Variants in DYTN observed in about 807,000 individuals in gnomAD.
The protein encoded by DYTN is dystrotelin.
In DYTN, 75 loss-of-function variants were observed where a neutral mutation model predicts 69.6. The ratio of observed to expected loss-of-function variants is 1.08; its 90% CI spans 0.89 to 1.31. The LOEUF is 1.31. Among genes scored for constraint, DYTN ranks in the 50% most tolerant of loss-of-function variants. The pLI, the probability that DYTN is intolerant of heterozygous loss-of-function variation, is 0.00. For synonymous variants in DYTN, 252 were observed against 249.1 expected (o/e 1.01, Z -0.11); for missense variants, 726 against 688.4 (o/e 1.05, Z -0.61).
At chr2:206,717,036 C>T (rs997151579) in intron 1 of DYTN, among the ~76,000 whole-genome samples, 17 of 86,902 alleles carry the variant, frequency 2.0e-4, no homozygotes, top group Non-Finnish European at 6.6e-5. Flanking sequence ...TTTTTTCTGC[C>T]GATGCAAACA....
intron 9 of DYTN, among the ~76,000 whole-genome samples, chr2:206,686,304 A>G (rs921068249): frequency 5.3e-5 from 8 of 152,240 alleles, no homozygotes; most frequent in Admixed American, 3.9e-4. Context: ...ATTTCAAAGA[A>G]AAGATATGAT....
At chr2:206,704,226 G>A (rs757221461) in intron 5 of DYTN, among the ~76,000 whole-genome samples, 3 of 152,142 alleles carry the variant, frequency 2.0e-5, no homozygotes, top group African/African-American at 4.8e-5. Flanking sequence ...GACAAGTGCC[G>A]CAACAAAGTT....
chr2:206,716,464 G>T (rs1700131542), intron 1 of DYTN, among the ~76,000 whole-genome samples: 1 of 152,186 alleles, frequency 6.6e-6, no homozygotes, highest in South Asian at 2.1e-4. Flanking sequence ...CCAAACAAGA[G>T]AGGTTGTTTA....
At chr2:206,701,432 T>C (rs1158507009) in intron 5 of DYTN, among the ~76,000 whole-genome samples, 1 of 152,162 alleles carries the variant, frequency 6.6e-6, no homozygotes, top group African/African-American at 2.4e-5. Flanking sequence ...TGGTATGTAA[T>C]ATACAACAGA....
At position 206,675,115 on chromosome 2, in the gene DYTN, ATGTG is replaced by A. The variant is rs757679127; in HGVS notation, c.981-9090_981-9087del. 4.1e-3 allele frequency among the ~76,000 whole-genome samples: 535 copies of A among 131,536 alleles called. 7 individuals carry two copies. The highest frequency in any genetic ancestry group is 9.0e-3 in the African/African-American group (311 of 34,652). 86.3% of individuals were successfully genotyped at this position (131,536 alleles called of 152,430 possible). ...TGGAGGGGAAAAAACATATATATAT[ATGTG>A]TGTGTGTGTGTGTGTGTGTGTGTGT... On this transcript the variant is annotated intron_variant, in intron 9 of 11. Transcript: ENST00000452335.
intron 9 of DYTN, among the ~76,000 whole-genome samples, chr2:206,677,830 A>C (rs185566038): frequency 6.6e-6 from 1 of 152,222 alleles, no homozygotes; most frequent in East Asian, 1.9e-4. Flanking sequence ...GTCTCTACTA[A>C]AAATACAAAA....
In DYTN at chr2:206,665,100, C is replaced by T. The variant is rs13416108; in HGVS notation, c.1140+770G>A. 2.6e-3 allele frequency among the ~76,000 whole-genome samples: 403 copies of T among 152,284 alleles called. 2 individuals are homozygous for T. The highest frequency in any genetic ancestry group is 9.4e-3 in the African/African-American group (392 of 41,568). On this transcript the variant is annotated intron_variant, in intron 10 of 11. Transcript: ENST00000452335. ...TATTAATATACTTCTCTCTTTTTCA[C>T]CTGCAAATCTGTGTGAGGCCTGATT...
intron 9 of DYTN, among the ~76,000 whole-genome samples, chr2:206,675,446 A>G (rs1699676874): frequency 2.0e-5 from 3 of 151,676 alleles, no homozygotes; most frequent in Admixed American, 2.0e-4. Flanking sequence ...TTTTCAGGGT[A>G]ACTATTCAAA....
At chr2:206,695,577 G>C (rs910536587) in intron 7 of DYTN, among the ~76,000 whole-genome samples, 1 of 152,148 alleles carries the variant, frequency 6.6e-6, no homozygotes, top group Non-Finnish European at 1.5e-5. Flanking sequence ...GAGACACTCT[G>C]GTTAGGAGGG....
Position 206,718,288 on chromosome 2 carries a change from T to C in DYTN, c.-9A>G, listed in dbSNP as rs763438823. The C allele has an allele frequency of 6.2e-7, 1 of 1,600,584 alleles. No individual in the cohort carries two copies. The highest frequency in any genetic ancestry group is 1.7e-5 in the Admixed American group (1 of 58,142). ...TGTTTATCTGGATCCATTTCACAAA[T>C]TTCCTGGAATGACAGATGGCAAGTG... On this transcript the variant is annotated 5_prime_UTR_variant, in exon 1 of 12. Transcript: ENST00000452335.
chr2:206,693,077 G>T, intron 9 of DYTN, 98 bp downstream of exon 9: 1 of 1,446,348 alleles, frequency 6.9e-7, no homozygotes, highest in Non-Finnish European at 9.1e-7. Context: ...GCCTTGTCTA[G>T]GATCTTCAGC....
At chr2:206,688,422 A>T (rs558203290) in intron 9 of DYTN, among the ~76,000 whole-genome samples, 2 of 152,288 alleles carry the variant, frequency 1.3e-5, no homozygotes, top group South Asian at 4.1e-4. Context: ...AAAATCACCA[A>T]CAAAAAGCAC....
chr2:206,654,914 T>C (rs1699431200), intron 11 of DYTN, among the ~76,000 whole-genome samples: 1 of 152,216 alleles, frequency 6.6e-6, no homozygotes, highest in Non-Finnish European at 1.5e-5. Flanking sequence ...TCATGGCATA[T>C]GCAAATAGAG....
chr2:206,666,067 AGAGGC>A (rs1394629408), intron 9 of DYTN, 38 bp from the exon 10 acceptor site: 3 of 1,604,886 alleles, frequency 1.9e-6, no homozygotes, highest in Non-Finnish European at 2.6e-6. Context: ...TGGAAGGGCA[AGAGGC>A]CAGTACACTA....
rs1387118193 is a variant in DYTN, at chr2:206,699,810, G to A, written c.636C>T (p.Thr212=). ...TTTCAGCAGCTGATAACCGGTGGCA[G>A]GTCGGGAGCCACAGGAGGATGGGAG... is the stretch of plus-strand genomic sequence containing the variant. ...SEPPILLWLP[T]CHRLSAAERV... is the part of the protein sequence containing the mutation. The change falls in exon 7 of 12, where the codon ACC becomes ACT. Residue 212 remains threonine (T), a synonymous_variant. Coordinates refer to ENST00000452335, the MANE Select transcript of DYTN (RefSeq NM_001093730.1). 6.2e-7 allele frequency: 1 copy of A among 1,613,870 alleles called. No homozygotes were observed. The highest frequency in any genetic ancestry group is 2.2e-5 in the East Asian group (1 of 44,862).
At chr2:206,669,375 G>A (rs371671232) in intron 9 of DYTN, among the ~76,000 whole-genome samples, 1 of 152,224 alleles carries the variant, frequency 6.6e-6, no homozygotes. Context: ...TAGGGGTTTT[G>A]GTATCATGTC....
In DYTN at chr2:206,663,143, C is replaced by T. The variant is rs373029999; in HGVS notation, c.1393G>A (p.Ala465Thr). ...GGCATCTTTTGTGTTTGGCTTTGTG[C>T]CCTGGTGCTGTGCAAAGTGGTCTCT... is the stretch of plus-strand genomic sequence containing the variant. ...SPETTLHSTR[A>T]QSQTQKMPQK... The change falls in exon 11 of 12, where the codon GCA becomes ACA. Residue 465 changes from alanine to threonine, a missense_variant. By Grantham distance (58) the Ala-to-Thr change is moderately conservative. Transcript: ENST00000452335. 324 of 1,613,890 alleles carry T rather than the reference C, an allele frequency of 2.0e-4. 2 individuals carry two copies. The South Asian group carries it at 3.4e-3, about 17-fold the overall frequency.
intron 9 of DYTN, among the ~76,000 whole-genome samples, chr2:206,683,360 T>C (rs1699772525): frequency 7.1e-6 from 1 of 141,362 alleles, no homozygotes; most frequent in African/African-American, 2.7e-5. Context: ...TTTTTTTTTT[T>C]TGAGATGGAG....
chr2:206,652,246 G>A (rs1699395933), intron 11 of DYTN, among the ~76,000 whole-genome samples: 1 of 152,112 alleles, frequency 6.6e-6, no homozygotes, highest in African/African-American at 2.4e-5. Context: ...ACAGATTTCT[G>A]GACCACACCT....
Sources: allele counts gnomAD v4.1 joint callset (sites outside exome capture counted in the v4.1 genomes callset), GRCh38; gene constraint gnomAD v4.1.1; transcripts MANE v1.5; gene names NCBI Gene and HGNC (gene_info 2026-07-23, HGNC 2026-07-21).